Variants in MAD1L1 observed in about 807,000 individuals in gnomAD.
The protein encoded by MAD1L1 is mitotic spindle assembly checkpoint protein MAD1.
In MAD1L1, 95 loss-of-function variants were observed where a neutral mutation model predicts 96.9. That is an observed-to-expected ratio of 0.98 (90% CI 0.83 to 1.16). The LOEUF (loss-of-function observed/expected upper bound fraction) is 1.16, where lower values mean the gene tolerates loss of function less well. Among genes scored for constraint, MAD1L1 ranks in the 50% most tolerant of loss-of-function variants. MAD1L1 has a pLI of 0.00. For synonymous variants in MAD1L1, 473 were observed against 396.6 expected, an observed-to-expected ratio of 1.19 and a Z score of -2.29; for missense variants, 1,007 against 954.4, an observed-to-expected ratio of 1.06 and a Z score of -0.73.
intron 13 of MAD1L1, among the ~76,000 whole-genome samples, chr7:2,007,014 G>A (rs146065349): frequency 6.2e-4 from 94 of 152,192 alleles, no homozygotes; most frequent in African/African-American, 2.1e-3. Flanking sequence ...GACGCAGGCC[G>A]GGGCAGTGCC....
intron 11 of MAD1L1, among the ~76,000 whole-genome samples, chr7:2,147,247 G>A (rs550379298): frequency 2.6e-5 from 4 of 152,154 alleles, no homozygotes; most frequent in South Asian, 4.2e-4. Context: ...CAGACCAGCC[G>A]CCCCCCAGGA....
At chr7:1,985,403 G>T (rs1197317644) in intron 14 of MAD1L1, among the ~76,000 whole-genome samples, 2 of 152,228 alleles carry the variant, frequency 1.3e-5, no homozygotes, top group Admixed American at 6.5e-5. Flanking sequence ...GGTCTGCTGT[G>T]CACAGATGCA....
intron 11 of MAD1L1, 70 bp from the exon 12 acceptor site, chr7:2,069,408 C>T: frequency 4.9e-6 from 7 of 1,419,724 alleles, no homozygotes; most frequent in Non-Finnish European, 6.5e-6. Context: ...CCCGCCCCAC[C>T]CCAGGAACGA....
At chr7:2,126,355 A>G (rs1432187935) in intron 11 of MAD1L1, among the ~76,000 whole-genome samples, 1 of 152,078 alleles carries the variant, frequency 6.6e-6, no homozygotes, top group Non-Finnish European at 1.5e-5. Context: ...CAATAAACAC[A>G]CAGGCACTCG....
At chr7:2,121,457 C>G (rs934714803) in intron 11 of MAD1L1, among the ~76,000 whole-genome samples, 13 of 152,212 alleles carry the variant, frequency 8.5e-5, no homozygotes, top group African/African-American at 2.9e-4. Context: ...ACGGGAGGGT[C>G]GTTAACAGAG....
chr7:2,068,092 A>G (rs1227646685), intron 12 of MAD1L1, among the ~76,000 whole-genome samples: 5 of 152,242 alleles, frequency 3.3e-5, no homozygotes, highest in South Asian at 2.1e-4. Context: ...CCTCTGCCAG[A>G]GGCAGCAGAC....
At chr7:2,176,287 T>G (rs1215932896) in intron 10 of MAD1L1, among the ~76,000 whole-genome samples, 4 of 152,172 alleles carry the variant, frequency 2.6e-5, no homozygotes, top group Non-Finnish European at 5.9e-5. Flanking sequence ...GGCAGAGGTT[T>G]CAGTGAACCG....
intron 16 of MAD1L1, among the ~76,000 whole-genome samples, chr7:1,946,555 T>C (rs1199720708): frequency 6.6e-6 from 1 of 152,286 alleles, no homozygotes; most frequent in Non-Finnish European, 1.5e-5. Flanking sequence ...CTTCCTTTGA[T>C]GCGATGGTGC....
At chr7:2,150,914 C>A (rs578090312) in intron 10 of MAD1L1, among the ~76,000 whole-genome samples, 1 of 152,202 alleles carries the variant, frequency 6.6e-6, no homozygotes, top group Non-Finnish European at 1.5e-5. Context: ...TAGCTGGCAC[C>A]GGGGAGACCC....
chr7:2,210,434 CCGCA>C (rs1792862014), intron 10 of MAD1L1, among the ~76,000 whole-genome samples: 39 of 139,878 alleles, frequency 2.8e-4, no homozygotes, highest in African/African-American at 8.9e-4. Context: ...GACCGCCAGC[CCGCA>C]TTCCCGTGGA....
chr7:2,025,398 T>C (rs888516745), intron 12 of MAD1L1, among the ~76,000 whole-genome samples: 3 of 152,110 alleles, frequency 2.0e-5, no homozygotes, highest in South Asian at 2.1e-4. Flanking sequence ...GTTCAAAGGG[T>C]TGTAGGCTGG....
chr7:1,979,732 A>G (rs1008851550), intron 15 of MAD1L1, among the ~76,000 whole-genome samples: 2 of 152,180 alleles, frequency 1.3e-5, no homozygotes, highest in Non-Finnish European at 1.5e-5. Context: ...TCTGAAGCGG[A>G]GCCCAAGGGC....
chr7:2,034,532 T>TA (rs1488632737), intron 12 of MAD1L1, among the ~76,000 whole-genome samples: 5 of 152,192 alleles, frequency 3.3e-5, no homozygotes, highest in Admixed American at 3.3e-4. Flanking sequence ...TTACTTTTGG[T>TA]ATGTCTACAC....
intron 18 of MAD1L1, among the ~76,000 whole-genome samples, chr7:1,879,721 C>A (rs1172094654): frequency 1.3e-5 from 2 of 152,158 alleles, no homozygotes; most frequent in East Asian, 3.9e-4. Flanking sequence ...GAAACAGAAC[C>A]ACACATATGG....
chr7:1,920,305 C>A (rs994292332), intron 17 of MAD1L1, among the ~76,000 whole-genome samples: 6 of 152,304 alleles, frequency 3.9e-5, no homozygotes, highest in African/African-American at 1.4e-4. Context: ...TCGGCAGAAC[C>A]CTGCCCAGTA....
chr7:2,206,110 C>T (rs538670129), intron 10 of MAD1L1, among the ~76,000 whole-genome samples: 1 of 152,110 alleles, frequency 6.6e-6, no homozygotes, highest in South Asian at 2.1e-4. Flanking sequence ...CCAGCCTGGG[C>T]GACAGAGCAA....
chr7:2,087,219 T>A (rs1312529800), intron 11 of MAD1L1, among the ~76,000 whole-genome samples: 1 of 152,128 alleles, frequency 6.6e-6, no homozygotes, highest in South Asian at 2.1e-4. Flanking sequence ...GCCACACACC[T>A]CAAAGTGAAT....
chr7:1,881,969 T>G (rs989121518), intron 18 of MAD1L1, among the ~76,000 whole-genome samples: 1 of 152,164 alleles, frequency 6.6e-6, no homozygotes, highest in African/African-American at 2.4e-5. Context: ...GCCACAGGCT[T>G]GCCCGTGTCC....
At chr7:1,951,625 C>T (rs1268450326) in intron 16 of MAD1L1, among the ~76,000 whole-genome samples, 1 of 152,204 alleles carries the variant, frequency 6.6e-6, no homozygotes, top group African/African-American at 2.4e-5. Flanking sequence ...TGGCACCGGC[C>T]TCTCCACCTC....
Sources: gnomAD v4.1 joint callset for allele counts (sites outside exome capture counted in the v4.1 genomes callset) on GRCh38, gnomAD v4.1.1 for gene constraint, MANE v1.5 for transcripts, NCBI Gene and HGNC (gene_info 2026-07-23, HGNC 2026-07-21) for gene names.